ACTR3C: variants seen among roughly 807,000 people sequenced by gnomAD.
ACTR3C encodes actin-related protein 3C.
ACTR3C carries 18 observed loss-of-function variants against 26.3 expected under a neutral mutation model. The ratio of observed to expected loss-of-function variants is 0.68; its 90% CI spans 0.47 to 1.01. The LOEUF is 1.01. Ranked by LOEUF, ACTR3C falls within the 50% of genes least tolerant of loss-of-function variation. The pLI is 0.00. For missense variants in ACTR3C, 184 were observed against 250.7 expected (o/e 0.73, Z 1.80); for synonymous variants, 55 against 94.5 (o/e 0.58, Z 2.42).
the ACTR3C span, among the ~76,000 whole-genome samples, chr7:150,035,476 GTAAC>G: frequency 5.9e-5 from 1 of 16,910 alleles, no homozygotes; most frequent in African/African-American, 2.4e-4. Flanking sequence ...GATGGGGGTA[GTAAC>G]AGCCAGGGGC....
the ACTR3C span, among the ~76,000 whole-genome samples, chr7:150,220,264 G>A: frequency 6.8e-6 from 1 of 147,880 alleles, no homozygotes; most frequent in Non-Finnish European, 1.5e-5. Context: ...TTTCCCCGGG[G>A]GATACCTGAC....
the ACTR3C span, among the ~76,000 whole-genome samples, chr7:150,125,281 C>T: frequency 6.8e-6 from 1 of 146,922 alleles, no homozygotes; most frequent in Non-Finnish European, 1.5e-5. Context: ...AGAAAATATA[C>T]CATAGTTTTC....
At chr7:149,970,316 G>A in the ACTR3C span, among the ~76,000 whole-genome samples, 2 of 151,674 alleles carry the variant, frequency 1.3e-5, no homozygotes, top group Non-Finnish European at 1.5e-5. Context: ...GTTTCGAATC[G>A]TGATGCTCGA....
the ACTR3C span, among the ~76,000 whole-genome samples, chr7:150,238,544 T>C: frequency 7.3e-6 from 1 of 137,166 alleles, no homozygotes; most frequent in Non-Finnish European, 1.5e-5. Context: ...GAGGCTACTA[T>C]GAATAACATT....
chr7:149,919,715 G>T, the ACTR3C span, among the ~76,000 whole-genome samples: 1 of 152,110 alleles, frequency 6.6e-6, no homozygotes, highest in Non-Finnish European at 1.5e-5. Flanking sequence ...ACTATTCCTT[G>T]TTGTTGCCTG....
the ACTR3C span, among the ~76,000 whole-genome samples, chr7:150,212,639 T>A: frequency 6.6e-6 from 1 of 151,822 alleles, no homozygotes; most frequent in African/African-American, 2.4e-5. Context: ...TAAGCTTTCT[T>A]TTCAGAATGA....
chr7:150,005,267 C>T, the ACTR3C span: 4 of 152,098 alleles, frequency 2.6e-5, no homozygotes, highest in African/African-American at 7.2e-5. Context: ...TCTGTGAGAA[C>T]CCCTTTCTGC....
chr7:150,283,594 T>C (rs913451123), intron 6 of ACTR3C, among the ~76,000 whole-genome samples: 1 of 151,898 alleles, frequency 6.6e-6, no homozygotes, highest in Non-Finnish European at 1.5e-5. Flanking sequence ...ACGCAAACTA[T>C]ATATTTTATA....
chr7:150,196,689 C>G, the ACTR3C span, among the ~76,000 whole-genome samples: 1 of 151,948 alleles, frequency 6.6e-6, no homozygotes, highest in African/African-American at 2.4e-5. Flanking sequence ...TGGAAATTGG[C>G]TTTTTTTTCC....
At chr7:150,292,285 C>A (rs1213402943) in intron 3 of ACTR3C, among the ~76,000 whole-genome samples, 7 of 152,120 alleles carry the variant, frequency 4.6e-5, no homozygotes, top group Non-Finnish European at 1.5e-5. Flanking sequence ...CAGGATGAGT[C>A]TGACTTCCCT....
chr7:150,316,375 G>C (rs1397983942), intron 1 of ACTR3C, among the ~76,000 whole-genome samples: 1 of 151,668 alleles, frequency 6.6e-6, no homozygotes, highest in African/African-American at 2.4e-5. Flanking sequence ...AATATATGTT[G>C]ATATGTGTCA....
At chr7:149,984,657 T>TA in the ACTR3C span, among the ~76,000 whole-genome samples, 22 of 151,824 alleles carry the variant, frequency 1.4e-4, no homozygotes, top group Non-Finnish European at 4.4e-5. Context: ...ATGGGAATTG[T>TA]AAAGTAAGTA....
At chr7:149,969,190 C>T in the ACTR3C span, among the ~76,000 whole-genome samples, 1 of 152,096 alleles carries the variant, frequency 6.6e-6, no homozygotes, top group Admixed American at 6.5e-5. Context: ...CGTTCTTGGA[C>T]AGAAACAGAT....
chr7:149,994,867 G>GCA, the ACTR3C span, among the ~76,000 whole-genome samples: 1 of 121,998 alleles, frequency 8.2e-6, no homozygotes, highest in Non-Finnish European at 1.7e-5. Flanking sequence ...TTTTTTTTGA[G>GCA]ATGGAGTATG....
chr7:150,011,332 A>G, the ACTR3C span, among the ~76,000 whole-genome samples: 2 of 151,848 alleles, frequency 1.3e-5, no homozygotes, highest in African/African-American at 4.8e-5. Context: ...CACGCCTGTA[A>G]TCTCAGCACT....
At chr7:150,260,543 C>T (rs1232509979) in intron 6 of ACTR3C, among the ~76,000 whole-genome samples, 4 of 152,162 alleles carry the variant, frequency 2.6e-5, no homozygotes, top group South Asian at 2.1e-4. Flanking sequence ...TGCTTGTTTG[C>T]AAGTTTCAAT....
chr7:150,289,904 T>C (rs1339715037), intron 3 of ACTR3C, among the ~76,000 whole-genome samples: 1 of 152,256 alleles, frequency 6.6e-6, no homozygotes, highest in African/African-American at 2.4e-5. Context: ...AAAGAAATGC[T>C]GTCTGTAAGA....
At chr7:150,239,534 CTCTCTCTATA>C (rs1291965639), downstream of ACTR3C, among the ~76,000 whole-genome samples, 4 of 118,448 alleles carry the variant, frequency 3.4e-5, no homozygotes, top group Admixed American at 8.7e-5. Context: ...CTCTCTCTCT[CTCTCTCTATA>C]TATATATATA....
the ACTR3C span, among the ~76,000 whole-genome samples, chr7:150,086,703 G>A: frequency 6.6e-6 from 1 of 152,224 alleles, no homozygotes; most frequent in Admixed American, 6.5e-5. Context: ...AAAGGGGAGC[G>A]AGGAAAGAAG....
Sources: allele counts gnomAD v4.1 joint callset (sites outside exome capture counted in the v4.1 genomes callset), GRCh38; gene constraint gnomAD v4.1.1; transcripts MANE v1.5; gene names NCBI Gene and HGNC (gene_info 2026-07-23, HGNC 2026-07-21).